MAJIN: variants seen among roughly 807,000 people sequenced by gnomAD.
The protein encoded by MAJIN is membrane-anchored junction protein.
MAJIN carries 27 observed loss-of-function variants against 30.2 expected under a neutral mutation model. That is an observed-to-expected ratio of 0.89 (90% confidence interval 0.66 to 1.23). The LOEUF (loss-of-function observed/expected upper bound fraction) is 1.23, where lower values mean the gene tolerates loss of function less well. MAJIN is among the 50% of genes most tolerant of loss of function. The pLI, the probability that MAJIN is intolerant of heterozygous loss-of-function variation, is 0.00. For synonymous variants in MAJIN, 78 were observed against 91.6 expected, an observed-to-expected ratio of 0.85 and a Z score of 0.85; for missense variants, 253 against 260.3, an observed-to-expected ratio of 0.97 and a Z score of 0.19.
chr11:64,939,296 C>T (rs942502098), intron 10 of MAJIN, among the ~76,000 whole-genome samples: 5 of 152,234 alleles, frequency 3.3e-5, no homozygotes, highest in Non-Finnish European at 5.9e-5. Flanking sequence ...AGATGGGCTT[C>T]ACCATGTTGG....
chr11:64,949,371 A>G (rs1485666464), intron 6 of MAJIN, among the ~76,000 whole-genome samples: 1 of 152,152 alleles, frequency 6.6e-6, no homozygotes, highest in East Asian at 1.9e-4. Flanking sequence ...ATAGCTCTAA[A>G]GTGAAAATCA....
chr11:64,948,640 T>TATA (rs869204077), intron 6 of MAJIN, among the ~76,000 whole-genome samples: 10 of 7,538 alleles, frequency 1.3e-3, no homozygotes, highest in Admixed American at 2.5e-3. Context: ...TATATATATA[T>TATA]TTTTTTTTTT....
Position 64,954,775 on chromosome 11 carries a change from G to A in MAJIN, c.129C>T (p.Val43=). 1 of 1,613,262 alleles carries A rather than the reference G, an allele frequency of 6.2e-7. No homozygotes were observed. The highest frequency in any genetic ancestry group is 8.5e-7 in the Non-Finnish European group (1 of 1,179,684). ...IRGEEIENKE[V]ITQELEDSVR... ...TCCCTACCTCCAGCTCCTGGGTGAT[G>A]ACTTCCTTATTTTCTATCTCTTCTC... The change falls in exon 4 of 11, where the codon GTC becomes GTT. Residue 43 remains valine, a synonymous_variant. Transcript: ENST00000301896.
rs149134761 is a variant in MAJIN at position 64,945,740 on chromosome 11, T to A, written c.473+1634A>T. 5.6e-3 allele frequency among the ~76,000 whole-genome samples: 846 copies of A among 152,146 alleles called. 31 individuals carry two copies. The East Asian group carries it at 0.11, about 20-fold the overall frequency. On this transcript the variant is annotated intron_variant, in intron 8 of 10. Transcript: ENST00000301896. ...TTAGTAGAGACTGGGTCTCACCAGG[T>A]TGGCCAGCCTGGTCTTGAACTCCTG...
intron 1 of MAJIN, among the ~76,000 whole-genome samples, chr11:64,968,978 T>C (rs1370673972): frequency 1.3e-5 from 2 of 152,166 alleles, no homozygotes; most frequent in East Asian, 1.9e-4. Flanking sequence ...AGGAGAAAGA[T>C]GCTGCTGATT....
chr11:64,955,250 A>T (rs1376900630), intron 3 of MAJIN, among the ~76,000 whole-genome samples: 1 of 152,162 alleles, frequency 6.6e-6, no homozygotes, highest in African/African-American at 2.4e-5. Context: ...CTGTACTATC[A>T]GTCAAAGAAA....
intron 8 of MAJIN, among the ~76,000 whole-genome samples, chr11:64,943,336 G>A (rs887324707): frequency 2.0e-5 from 3 of 152,218 alleles, no homozygotes; most frequent in African/African-American, 7.2e-5. Context: ...AGGCAAGGGG[G>A]TTTTCTCTTC....
chr11:64,948,615 ATATATATATATATATATATATATATT>A (rs1945491009), intron 6 of MAJIN, among the ~76,000 whole-genome samples: 7 of 29,440 alleles, frequency 2.4e-4, no homozygotes, highest in African/African-American at 4.7e-4. Flanking sequence ...ATATATATAT[ATATATATATATATATATATATATATT>A]TTTTTTTTTT....
intron 7 of MAJIN, 127 bp from the exon 8 acceptor site, chr11:64,947,592 T>G: frequency 9.4e-7 from 1 of 1,067,004 alleles, no homozygotes; most frequent in Non-Finnish European, 1.4e-6. Context: ...GCTTTGCAAG[T>G]AAGAATAGAC....
chr11:64,940,508 A>G lies in MAJIN; in HGVS notation c.546+66T>C, dbSNP rs563989848. On this transcript the variant is annotated intron_variant, in intron 9 of 10. Transcript: ENST00000301896. ...GACTCAGCTCTGTGCTGCTCTACAT[A>G]TCAGAGAACTACAAGGGAAAGGGTG... 6.6e-4 allele frequency: 991 copies of G among 1,510,454 alleles called. 1 individual carries two copies. Among genetic ancestry groups the G allele is most frequent in the Non-Finnish European group, 8.5e-4 (926 of 1,086,290 alleles). The allele number at this position is 1,510,454 out of a possible 1,614,324, so 93.6% of individuals were successfully genotyped here. A position where few individuals can be genotyped will look rare whatever the true frequency, so the allele number is the denominator to read the frequency against.
chr11:64,956,760 G>A (rs1945639158), intron 3 of MAJIN, among the ~76,000 whole-genome samples: 1 of 128,540 alleles, frequency 7.8e-6, no homozygotes, highest in Non-Finnish European at 1.6e-5. Flanking sequence ...ATACATATAA[G>A]CTGTTTTTTT....
intron 1 of MAJIN, among the ~76,000 whole-genome samples, chr11:64,970,359 G>T (rs11231912): frequency 6.5e-5 from 8 of 122,346 alleles, no homozygotes; most frequent in Admixed American, 8.5e-5. Flanking sequence ...GCAAGACTCC[G>T]TCTTTTTTTT....
Position 64,938,376 on chromosome 11 carries a change from G to T in MAJIN, c.*199C>A, listed in dbSNP as rs1036442732. ...AAAAAATCTATTATAAAGGGGCAAAGGACACGATAAAACCACAGAGGACTC... is the reference window on the plus strand; with the variant it reads ...AAAAAATCTATTATAAAGGGGCAAATGACACGATAAAACCACAGAGGACTC... On this transcript the variant is annotated 3_prime_UTR_variant, in exon 11 of 11. Transcript: ENST00000301896. The T allele has an allele frequency of 3.8e-6, 3 of 793,846 alleles. No homozygotes were observed. Among genetic ancestry groups the T allele is most frequent in the Admixed American group, 2.4e-5 (1 of 41,520 alleles). The allele number at this position is 793,846 out of a possible 1,614,324, so 49.2% of individuals were successfully genotyped here.
At chr11:64,967,306 T>C (rs1945827105) in intron 1 of MAJIN, among the ~76,000 whole-genome samples, 1 of 151,896 alleles carries the variant, frequency 6.6e-6, no homozygotes, top group Non-Finnish European at 1.5e-5. Flanking sequence ...CTCTGGAGGC[T>C]GAGGCAGGAG....
Position 64,959,344 on chromosome 11 carries a change from TTG to T in MAJIN, c.60_61del (p.Asn21CysfsTer3). The T allele has an allele frequency of 6.2e-7, 1 of 1,614,042 alleles. No individual in the cohort carries two copies. On this transcript the variant is annotated frameshift_variant, in exon 3 of 11. Transcript: ENST00000301896. LOFTEE classifies it high-confidence loss of function. ...ATATCTGATTTTGAATTTATACACA[TTG>T]GGTCCTGCATGAAGAAACCTCGTCT...
At chr11:64,941,256 A>C (rs140960854) in intron 8 of MAJIN, among the ~76,000 whole-genome samples, 4 of 152,344 alleles carry the variant, frequency 2.6e-5, no homozygotes, top group Non-Finnish European at 5.9e-5. Flanking sequence ...CTGAGTACCT[A>C]CTATTACCAA....
chr11:64,939,742 T>A lies in MAJIN; in HGVS notation c.572A>T (p.Gln191Leu), dbSNP rs1945346368. 6.2e-7 allele frequency: 1 copy of A among 1,613,986 alleles called. No homozygotes were observed. The highest frequency in any genetic ancestry group is 8.5e-7 in the Non-Finnish European group (1 of 1,179,936). The change falls in exon 10 of 11, where the codon CAG becomes CTG. Residue 191 changes from glutamine to leucine, a missense_variant. Gln to Leu is a moderately radical substitution (Grantham distance 113, BLOSUM62 -2). Coordinates refer to ENST00000301896, the MANE Select transcript of MAJIN (RefSeq NM_001037225.3). ...NKILSGDTACQGELSHPCSTT... is the reference protein window; with the variant it reads ...NKILSGDTACLGELSHPCSTT... Reference sequence around the variant, plus strand: ...GCTGCAGGGGTGGGACAATTCGCCCTGGCAGGCTGTGTCCCCACTCAGAAT... The same window carrying A: ...GCTGCAGGGGTGGGACAATTCGCCCAGGCAGGCTGTGTCCCCACTCAGAAT...
At chr11:64,952,971 CT>C (rs1314018175) in intron 4 of MAJIN, among the ~76,000 whole-genome samples, 1 of 152,140 alleles carries the variant, frequency 6.6e-6, no homozygotes, top group Non-Finnish European at 1.5e-5. Context: ...TCCCAAAGTG[CT>C]GGGATTAAAG....
At chr11:64,950,122 G>A (rs1020452978) in intron 5 of MAJIN, among the ~76,000 whole-genome samples, 14 of 152,120 alleles carry the variant, frequency 9.2e-5, no homozygotes, top group African/African-American at 3.4e-4. Flanking sequence ...CTGAGGTCAG[G>A]AGTTCAAGAC....
Sources: gnomAD v4.1 joint callset for allele counts (sites outside exome capture counted in the v4.1 genomes callset) on GRCh38, gnomAD v4.1.1 for gene constraint, MANE v1.5 for transcripts, NCBI Gene and HGNC (gene_info 2026-07-23, HGNC 2026-07-21) for gene names.